DLGAP2: variants seen among roughly 807,000 people sequenced by gnomAD.
DLGAP2 encodes disks large-associated protein 2.
In DLGAP2, 26 loss-of-function variants were observed where a neutral mutation model predicts 100.3. That is an observed-to-expected ratio of 0.26 (90% CI 0.19 to 0.36). The LOEUF is 0.36. DLGAP2 is among the 10% of genes least tolerant of loss of function. DLGAP2 has a pLI of 1.00. For synonymous variants in DLGAP2, 886 were observed against 630.1 expected (o/e 1.41, Z -6.08); for missense variants, 1,858 against 1,453.2 (o/e 1.28, Z -4.53).
chr8:1,233,966 G>A (rs772106891), intron 2 of DLGAP2, among the ~76,000 whole-genome samples: 1 of 152,184 alleles, frequency 6.6e-6, no homozygotes, highest in Non-Finnish European at 1.5e-5. Context: ...GTTTGACCAG[G>A]TGGTCAATAG....
At chr8:1,688,049 G>C (rs547381480) in intron 12 of DLGAP2, among the ~76,000 whole-genome samples, 4 of 152,270 alleles carry the variant, frequency 2.6e-5, no homozygotes, top group South Asian at 4.1e-4. Flanking sequence ...CAGGAAGGAT[G>C]AGGAGCTTTC....
chr8:832,056 GTTGT>G (rs1447416476), intron 1 of DLGAP2, among the ~76,000 whole-genome samples: 10 of 152,252 alleles, frequency 6.6e-5, no homozygotes, highest in South Asian at 6.2e-4. Context: ...TTTTGATGGG[GTTGT>G]TTGTTTTTTT....
rs1220232166 is a variant in DLGAP2, at chr8:1,140,638, G to GGA, written c.74-118212_74-118211insAG. On this transcript the variant is annotated intron_variant, in intron 2 of 14. Coordinates refer to ENST00000637795, the MANE Select transcript of DLGAP2 (RefSeq NM_001346810.2). Reference sequence around the variant, plus strand: ...AGCCAGGCTGGGAGCTGACTTCCTAGGTTGTCCTCCTGTAGTTCTTGCCAC... The same window carrying GGA: ...AGCCAGGCTGGGAGCTGACTTCCTAGGAGTTGTCCTCCTGTAGTTCTTGCCAC... Among the ~76,000 whole-genome samples the GGA allele has an allele frequency of 1.2e-4, 18 of 152,250 alleles. No homozygotes were observed. In the East Asian group the frequency reaches 3.5e-3, roughly 30 times the overall value.
chr8:1,273,559 T>C (rs969394149), intron 3 of DLGAP2, among the ~76,000 whole-genome samples: 1 of 152,240 alleles, frequency 6.6e-6, no homozygotes, highest in Non-Finnish European at 1.5e-5. Context: ...CCTGCTCTGC[T>C]GCTTCAGACG....
chr8:1,273,292 G>A (rs1203854907), intron 3 of DLGAP2, among the ~76,000 whole-genome samples: 5 of 152,132 alleles, frequency 3.3e-5, no homozygotes, highest in Admixed American at 6.5e-5. Flanking sequence ...CGGGAGCCAC[G>A]TGGGCTGCTC....
chr8:1,017,903 G>A (rs1189143729), intron 2 of DLGAP2, among the ~76,000 whole-genome samples: 1 of 152,246 alleles, frequency 6.6e-6, no homozygotes, highest in Non-Finnish European at 1.5e-5. Context: ...TGCAGAGAAA[G>A]TTTGATTGGA....
At chr8:1,447,336 G>A (rs1460101747) in intron 3 of DLGAP2, among the ~76,000 whole-genome samples, 2 of 152,188 alleles carry the variant, frequency 1.3e-5, no homozygotes, top group Non-Finnish European at 2.9e-5. Flanking sequence ...TGCATCTATT[G>A]AGATAATCAT....
rs114410561 is a variant in DLGAP2 at position 770,948 on chromosome 8, G to C, written c.18+33123G>C. ...ACTTTTCTGTAGGGCAGGTTGATGT[G>C]GTCTTCTTAGTGTAAACAGGGGTCT... On this transcript the variant is annotated intron_variant, in intron 1 of 14. Transcript: ENST00000637795. 5.7e-3 allele frequency among the ~76,000 whole-genome samples: 862 copies of C among 151,782 alleles called. 14 individuals are homozygous for C. The highest frequency in any genetic ancestry group is 0.02 in the African/African-American group (827 of 41,374).
At chr8:1,077,633 C>A (rs1803664908) in intron 2 of DLGAP2, among the ~76,000 whole-genome samples, 1 of 152,166 alleles carries the variant, frequency 6.6e-6, no homozygotes, top group Non-Finnish European at 1.5e-5. Context: ...GGCCATACAA[C>A]ATTTGCTGGG....
chr8:1,215,148 A>G (rs7388163), intron 2 of DLGAP2, among the ~76,000 whole-genome samples: 38,719 of 152,188 alleles, frequency 0.25, 5,369 homozygotes, highest in East Asian at 0.45. Flanking sequence ...AAGGGGGAGA[A>G]TTGACAAAAG....
intron 3 of DLGAP2, among the ~76,000 whole-genome samples, chr8:1,330,693 CTGGGTGGGATT>C (rs1563087054): frequency 1.1e-4 from 15 of 142,362 alleles, no homozygotes; most frequent in African/African-American, 3.8e-4. Context: ...GGACTGAGTT[CTGGGTGGGATT>C]GAGTTCTGGG....
rs1799610449 is a variant in DLGAP2 at position 1,702,808 on chromosome 8, G to T, written c.*1402G>T. On this transcript the variant is annotated 3_prime_UTR_variant, in exon 15 of 15. Transcript: ENST00000637795. ...CTGTCCGATTTTTCCATGGGTTCCA[G>T]TTTCAGAGTTCTCATTATTACTCAA... The T allele has an allele frequency of 6.6e-6, 1 of 152,504 alleles. No homozygotes were observed. The highest frequency in any genetic ancestry group is 1.5e-5 in the Non-Finnish European group (1 of 68,040). The allele number at this position is 152,504 out of a possible 1,614,324, so 9.4% of individuals were successfully genotyped here. A position where few individuals can be genotyped will look rare whatever the true frequency, so the allele number is the denominator to read the frequency against.
chr8:1,023,957 T>G (rs926726624), intron 2 of DLGAP2, among the ~76,000 whole-genome samples: 2 of 151,582 alleles, frequency 1.3e-5, no homozygotes, highest in African/African-American at 2.4e-5. Context: ...TGTGGGTGGC[T>G]GTGGGTTTGC....
chr8:812,014 T>C (rs1585890155), intron 1 of DLGAP2, among the ~76,000 whole-genome samples: 1 of 152,202 alleles, frequency 6.6e-6, no homozygotes. Context: ...TGGTGAGGCT[T>C]CCGGACTTCT....
At chr8:1,312,780 C>G (rs1031681986) in intron 3 of DLGAP2, among the ~76,000 whole-genome samples, 2 of 152,166 alleles carry the variant, frequency 1.3e-5, no homozygotes, top group Non-Finnish European at 2.9e-5. Flanking sequence ...CATATGCTCA[C>G]CAATGTGGAA....
chr8:1,408,513 G>A (rs933918011), intron 3 of DLGAP2, among the ~76,000 whole-genome samples: 2 of 152,184 alleles, frequency 1.3e-5, no homozygotes, highest in Non-Finnish European at 2.9e-5. Flanking sequence ...CTGGGCCTTG[G>A]ATGATGAGGG....
At chr8:1,077,382 G>A (rs764669506) in intron 2 of DLGAP2, among the ~76,000 whole-genome samples, 2 of 152,200 alleles carry the variant, frequency 1.3e-5, no homozygotes, top group South Asian at 4.1e-4. Flanking sequence ...TCACACGGCA[G>A]TCCCATCATA....
At chr8:1,062,564 G>C (rs1803118346) in intron 2 of DLGAP2, among the ~76,000 whole-genome samples, 1 of 152,210 alleles carries the variant, frequency 6.6e-6, no homozygotes, top group South Asian at 2.1e-4. Context: ...GCATCAGGTA[G>C]ACAGTAGCCA....
chr8:1,206,783 C>T (rs1798005073), intron 2 of DLGAP2, among the ~76,000 whole-genome samples: 1 of 152,216 alleles, frequency 6.6e-6, no homozygotes, highest in African/African-American at 2.4e-5. Context: ...ATCGCTGCTA[C>T]CATTCTTTGT....
Sources: allele counts gnomAD v4.1 joint callset (sites outside exome capture counted in the v4.1 genomes callset), GRCh38; gene constraint gnomAD v4.1.1; transcripts MANE v1.5; gene names NCBI Gene and HGNC (gene_info 2026-07-23, HGNC 2026-07-21).